Variants in CCDC178 observed in about 807,000 individuals in gnomAD.
The protein encoded by CCDC178 is coiled-coil domain-containing protein 178.
CCDC178 carries 126 observed loss-of-function variants against 117.4 expected under a neutral mutation model. The ratio of observed to expected loss-of-function variants is 1.07; its 90% CI spans 0.93 to 1.24. The LOEUF (loss-of-function observed/expected upper bound fraction) is 1.24, where lower values mean the gene tolerates loss of function less well. Ranked by LOEUF, CCDC178 falls within the 50% of genes most tolerant of loss-of-function variation. CCDC178 has a pLI of 0.00. For synonymous variants in CCDC178, 283 were observed against 313.4 expected, an observed-to-expected ratio of 0.90 and a Z score of 1.02; for missense variants, 1,030 against 986.9, an observed-to-expected ratio of 1.04 and a Z score of -0.59.
intron 12 of CCDC178, among the ~76,000 whole-genome samples, chr18:33,290,192 C>T (rs1335345259): frequency 6.6e-6 from 1 of 152,034 alleles, no homozygotes; most frequent in Non-Finnish European, 1.5e-5. Context: ...TATGCCCAAA[C>T]CAGAGAAAAC....
intron 2 of CCDC178, among the ~76,000 whole-genome samples, chr18:33,429,190 T>C (rs1286925780): frequency 2.0e-5 from 3 of 152,124 alleles, no homozygotes; most frequent in African/African-American, 7.2e-5. Flanking sequence ...AACAAAGACT[T>C]TCTGGATTAA....
chr18:33,330,065 G>C (rs1320129624), intron 10 of CCDC178, among the ~76,000 whole-genome samples: 6 of 149,348 alleles, frequency 4.0e-5, no homozygotes, highest in African/African-American at 1.5e-4. Context: ...ATTTTATCTA[G>C]GTTATCTAAT....
intron 20 of CCDC178, among the ~76,000 whole-genome samples, chr18:33,107,155 TA>T (rs1489192447): frequency 6.6e-6 from 1 of 151,672 alleles, no homozygotes; most frequent in Non-Finnish European, 1.5e-5. Flanking sequence ...TTTAAACTTA[TA>T]AATTCATGCT....
chr18:32,949,588 C>G (rs56279355), intron 22 of CCDC178, among the ~76,000 whole-genome samples: 7,201 of 152,034 alleles, frequency 0.047, 427 homozygotes, highest in African/African-American at 0.14. Context: ...TCAATTGGGT[C>G]CTTTTTATAT....
intron 4 of CCDC178, among the ~76,000 whole-genome samples, chr18:33,392,408 C>T (rs2063575865): frequency 6.6e-6 from 1 of 152,188 alleles, no homozygotes; most frequent in Non-Finnish European, 1.5e-5. Context: ...TTTAGTTTTA[C>T]TCTAATCTTC....
At chr18:32,959,534 C>T (rs934308566) in intron 22 of CCDC178, among the ~76,000 whole-genome samples, 1 of 152,040 alleles carries the variant, frequency 6.6e-6, no homozygotes, top group African/African-American at 2.4e-5. Context: ...GACTTGGCAC[C>T]ATTTATGAGA....
intron 5 of CCDC178, among the ~76,000 whole-genome samples, chr18:33,381,773 C>G (rs1173047579): frequency 1.3e-5 from 2 of 152,086 alleles, no homozygotes; most frequent in East Asian, 3.9e-4. Context: ...TTCCTTGTGT[C>G]ATCTCCGCTG....
chr18:33,186,771 A>G (rs1346033688), intron 20 of CCDC178, among the ~76,000 whole-genome samples: 1 of 152,034 alleles, frequency 6.6e-6, no homozygotes, highest in Non-Finnish European at 1.5e-5. Flanking sequence ...TCTTTTCCAG[A>G]ACCTCTTTCC....
chr18:33,357,804 A>C (rs996257153), intron 6 of CCDC178, among the ~76,000 whole-genome samples: 18 of 119,416 alleles, frequency 1.5e-4, no homozygotes, highest in Non-Finnish European at 2.6e-4. Context: ...CTGAACAAAA[A>C]AATTATATGA....
chr18:33,155,473 G>A (rs1413916480), intron 20 of CCDC178, among the ~76,000 whole-genome samples: 2 of 152,018 alleles, frequency 1.3e-5, no homozygotes, highest in African/African-American at 2.4e-5. Flanking sequence ...TTAACTGAAA[G>A]TAAGTAGAAT....
chr18:33,420,296 G>C (rs910229592), intron 2 of CCDC178, among the ~76,000 whole-genome samples: 4 of 152,252 alleles, frequency 2.6e-5, no homozygotes, highest in African/African-American at 7.2e-5. Flanking sequence ...TGGGGTGAGG[G>C]AGGAAGGTGA....
At chr18:33,161,527 C>T (rs271490) in intron 20 of CCDC178, among the ~76,000 whole-genome samples, 24,525 of 152,062 alleles carry the variant, frequency 0.16, 2,761 homozygotes, top group African/African-American at 0.32. Flanking sequence ...TATTGGATTC[C>T]CACCAGGCTT....
At chr18:33,140,612 G>A (rs1454856081) in intron 20 of CCDC178, among the ~76,000 whole-genome samples, 2 of 152,170 alleles carry the variant, frequency 1.3e-5, no homozygotes, top group African/African-American at 4.8e-5. Context: ...AGGAAAGGCT[G>A]TATTTACCCA....
intron 14 of CCDC178, among the ~76,000 whole-genome samples, chr18:33,265,571 A>G (rs957834095): frequency 3.3e-5 from 5 of 151,958 alleles, no homozygotes; most frequent in African/African-American, 7.2e-5. Flanking sequence ...GGAAAAAGTG[A>G]TAAGTGGGAG....
chr18:33,207,757 T>C (rs1351480513), intron 20 of CCDC178, among the ~76,000 whole-genome samples: 4 of 152,014 alleles, frequency 2.6e-5, no homozygotes, highest in Admixed American at 1.3e-4. Context: ...TACTTTAATA[T>C]AGTATTAGCA....
chr18:33,072,766 T>C (rs540860353), intron 21 of CCDC178, among the ~76,000 whole-genome samples: 39 of 152,326 alleles, frequency 2.6e-4, no homozygotes, highest in African/African-American at 9.4e-4. Flanking sequence ...ACTTTTTCCT[T>C]GTATAAAGGT....
chr18:32,963,045 C>A (rs2054739741), intron 22 of CCDC178, among the ~76,000 whole-genome samples: 1 of 151,992 alleles, frequency 6.6e-6, no homozygotes, highest in African/African-American at 2.4e-5. Context: ...CTTCCTCCAA[C>A]ATAATCTAAT....
At chr18:33,061,935 G>A (rs187352813) in intron 21 of CCDC178, among the ~76,000 whole-genome samples, 77 of 152,240 alleles carry the variant, frequency 5.1e-4, no homozygotes, top group Admixed American at 1.4e-3. Context: ...AAGTAATTTA[G>A]AGACACTATC....
At chr18:33,292,767 T>C (rs1046449783) in intron 12 of CCDC178, among the ~76,000 whole-genome samples, 1 of 152,100 alleles carries the variant, frequency 6.6e-6, no homozygotes, top group African/African-American at 2.4e-5. Context: ...TTTGTTTTAA[T>C]TGACACACAA....
Sources: allele counts gnomAD v4.1 joint callset (sites outside exome capture counted in the v4.1 genomes callset), GRCh38; gene constraint gnomAD v4.1.1; transcripts MANE v1.5; gene names NCBI Gene and HGNC (gene_info 2026-07-23, HGNC 2026-07-21).